BMPR1B: variants seen among roughly 807,000 people sequenced by gnomAD.
BMPR1B encodes bone morphogenetic protein receptor type 1B, also known as bone morphogenetic protein receptor type-1B.
In BMPR1B, 12 loss-of-function variants were observed where a neutral mutation model predicts 59.1. That is an observed-to-expected ratio of 0.20 (90% CI 0.13 to 0.33). The LOEUF is 0.33. Among genes scored for constraint, BMPR1B ranks in the 10% least tolerant of loss-of-function variants. The pLI is 1.00. For missense variants in BMPR1B, 550 were observed against 610.9 expected (o/e 0.90, Z 1.05); for synonymous variants, 237 against 207.3 (o/e 1.14, Z -1.23).
intron 2 of BMPR1B, among the ~76,000 whole-genome samples, chr4:94,927,310 C>A (rs1426653193): frequency 6.6e-6 from 1 of 152,106 alleles, no homozygotes; most frequent in African/African-American, 2.4e-5. Flanking sequence ...ATTTCCTGCC[C>A]TCATGGAGCC....
At chr4:94,813,319 G>A (rs1012860453) in intron 1 of BMPR1B, among the ~76,000 whole-genome samples, 2 of 152,136 alleles carry the variant, frequency 1.3e-5, no homozygotes, top group East Asian at 1.9e-4. Context: ...TAAAAAAATC[G>A]AGAACGGCCA....
At chr4:94,796,779 A>G (rs1051132186) in intron 1 of BMPR1B, among the ~76,000 whole-genome samples, 2 of 152,188 alleles carry the variant, frequency 1.3e-5, no homozygotes, top group Non-Finnish European at 2.9e-5. Context: ...TTCCAATGTC[A>G]TTCAAAATTG....
chr4:94,774,244 A>G (rs1450447032), intron 1 of BMPR1B, among the ~76,000 whole-genome samples: 1 of 152,118 alleles, frequency 6.6e-6, no homozygotes, highest in Non-Finnish European at 1.5e-5. Flanking sequence ...CAGATAATCA[A>G]AGCCCCTGGT....
chr4:95,109,615 A>G (rs1401099988), intron 4 of BMPR1B, among the ~76,000 whole-genome samples: 7 of 151,974 alleles, frequency 4.6e-5, no homozygotes, highest in African/African-American at 1.7e-4. Flanking sequence ...ATATTGATCT[A>G]TTTAATTATT....
At chr4:94,816,749 A>G (rs1337412310) in intron 1 of BMPR1B, among the ~76,000 whole-genome samples, 1 of 152,244 alleles carries the variant, frequency 6.6e-6, no homozygotes, top group African/African-American at 2.4e-5. Context: ...AACATAACTT[A>G]GAAGGCAGTA....
intron 3 of BMPR1B, among the ~76,000 whole-genome samples, chr4:95,070,549 C>T (rs772554884): frequency 6.6e-6 from 1 of 152,046 alleles, no homozygotes; most frequent in Non-Finnish European, 1.5e-5. Context: ...TTCTTAGTGT[C>T]ACTAAGATGC....
At chr4:95,025,771 T>G (rs1724311075) in intron 3 of BMPR1B, among the ~76,000 whole-genome samples, 1 of 152,206 alleles carries the variant, frequency 6.6e-6, no homozygotes, top group African/African-American at 2.4e-5. Flanking sequence ...TCAATATATG[T>G]TATAGAACTT....
intron 10 of BMPR1B, among the ~76,000 whole-genome samples, chr4:95,133,369 CTT>C (rs1560680320): frequency 6.6e-6 from 1 of 152,170 alleles, no homozygotes; most frequent in African/African-American, 2.4e-5. Context: ...GCAGTGGACT[CTT>C]TTCTTTTCTG....
chr4:94,795,529 A>T (rs1247350489), intron 1 of BMPR1B, among the ~76,000 whole-genome samples: 1 of 151,828 alleles, frequency 6.6e-6, no homozygotes, highest in African/African-American at 2.4e-5. Flanking sequence ...CAGTGGCGTG[A>T]TCTCAGCTCA....
intron 3 of BMPR1B, among the ~76,000 whole-genome samples, chr4:94,998,945 A>C (rs552589550): frequency 1.3e-5 from 2 of 152,222 alleles, no homozygotes; most frequent in African/African-American, 4.8e-5. Flanking sequence ...CTATTTCTCA[A>C]AACAATCCAC....
intron 1 of BMPR1B, among the ~76,000 whole-genome samples, chr4:94,863,071 G>T (rs1328586619): frequency 6.6e-6 from 1 of 151,962 alleles, no homozygotes; most frequent in Non-Finnish European, 1.5e-5. Context: ...AGCCGAGATC[G>T]CGCCACTGCA....
At chr4:94,878,572 A>T (rs1726829156) in intron 2 of BMPR1B, among the ~76,000 whole-genome samples, 1 of 152,072 alleles carries the variant, frequency 6.6e-6, no homozygotes, top group Non-Finnish European at 1.5e-5. Context: ...TTTTTTTCTG[A>T]AAACAGGCCC....
At chr4:94,989,386 T>TAA (rs532770101) in intron 2 of BMPR1B, among the ~76,000 whole-genome samples, 2 of 137,940 alleles carry the variant, frequency 1.4e-5, no homozygotes, top group African/African-American at 2.7e-5. Flanking sequence ...AGACTCCGTC[T>TAA]AAAAAAAAAA....
chr4:95,105,073 A>G (rs1421518085), intron 4 of BMPR1B, among the ~76,000 whole-genome samples: 1 of 152,124 alleles, frequency 6.6e-6, no homozygotes, highest in East Asian at 1.9e-4. Context: ...ACATTGTCCA[A>G]ATACTAGAAA....
At chr4:95,116,516 A>G (rs1279135859) in intron 6 of BMPR1B, among the ~76,000 whole-genome samples, 1 of 151,678 alleles carries the variant, frequency 6.6e-6, no homozygotes, top group Non-Finnish European at 1.5e-5. Context: ...TAAGTGATTT[A>G]AAGTGATTTT....
intron 2 of BMPR1B, among the ~76,000 whole-genome samples, chr4:94,925,235 G>C (rs970821639): frequency 3.3e-5 from 5 of 151,930 alleles, no homozygotes; most frequent in African/African-American, 1.2e-4. Context: ...TACACTTTTA[G>C]TCAGTTTCAC....
At chr4:95,021,711 A>G (rs1407827007) in intron 3 of BMPR1B, among the ~76,000 whole-genome samples, 2 of 152,246 alleles carry the variant, frequency 1.3e-5, no homozygotes, top group African/African-American at 2.4e-5. Flanking sequence ...GCATATATTT[A>G]TAAGTCATAT....
rs1222033686 is a variant in BMPR1B at position 95,145,632 on chromosome 4, TA to T, written c.1077-3112del. On this transcript the variant is annotated intron_variant, in intron 10 of 12. Coordinates refer to ENST00000515059, the MANE Select transcript of BMPR1B (RefSeq NM_001203.3). ...TTCTCTGCCATTATTTGGGAACAGG[TA>T]AAATGATGCTACTGAAAATCTGAGA... 1.8e-4 allele frequency among the ~76,000 whole-genome samples: 28 copies of T among 152,352 alleles called. 1 individual carries two copies. The highest frequency in any genetic ancestry group is 8.5e-4 in the Admixed American group (13 of 15,308).
intron 2 of BMPR1B, among the ~76,000 whole-genome samples, chr4:94,947,761 C>T (rs748978812): frequency 2.6e-5 from 4 of 152,170 alleles, no homozygotes; most frequent in South Asian, 2.1e-4. Flanking sequence ...TCTCCTGTAG[C>T]GCCAGTCCTC....
Sources: allele counts gnomAD v4.1 joint callset (sites outside exome capture counted in the v4.1 genomes callset), GRCh38; gene constraint gnomAD v4.1.1; transcripts MANE v1.5; gene names NCBI Gene and HGNC (gene_info 2026-07-23, HGNC 2026-07-21).